Variants in NTF3 observed in about 807,000 individuals in gnomAD.
The protein encoded by NTF3 is neurotrophin 3, also known as neurotrophin-3.
A neutral mutation model predicts 26.3 loss-of-function variants in NTF3; 8 were observed. The observed-to-expected ratio is 0.30, with a 90% confidence interval of 0.18 to 0.55. NTF3 has a LOEUF of 0.55. NTF3 is among the 20% of genes least tolerant of loss of function. The probability of loss-of-function intolerance (pLI) is 0.93; values close to 1 mark genes in which losing one functional copy is unlikely to be tolerated. For synonymous variants in NTF3, 154 were observed against 145.5 expected (o/e 1.06, Z -0.42); for missense variants, 276 against 352.9 (o/e 0.78, Z 1.75).
chr12:5,483,953 G>A (rs1342040934), intron 1 of NTF3, among the ~76,000 whole-genome samples: 1 of 152,228 alleles, frequency 6.6e-6, no homozygotes, highest in Non-Finnish European at 1.5e-5. Flanking sequence ...AAGGGAAAGA[G>A]TCTGCCTCCA....
intron 1 of NTF3, among the ~76,000 whole-genome samples, chr12:5,439,998 G>T (rs1035400076): frequency 6.6e-6 from 1 of 152,156 alleles, no homozygotes; most frequent in African/African-American, 2.4e-5. Context: ...TCCAGCTGAG[G>T]ATTTGCCACT....
upstream of NTF3, among the ~76,000 whole-genome samples, chr12:5,431,961 CG>C (rs376881723): frequency 0.15 from 18,384 of 126,030 alleles, 1,233 homozygotes; most frequent in Non-Finnish European, 0.16. Flanking sequence ...GAAGTGAGGG[CG>C]GGGGGGGGGC....
intron 1 of NTF3, among the ~76,000 whole-genome samples, chr12:5,459,572 T>C (rs1164323090): frequency 6.6e-6 from 1 of 152,252 alleles, no homozygotes; most frequent in Non-Finnish European, 1.5e-5. Context: ...AACGTGCATA[T>C]TGCGTCATTG....
intron 1 of NTF3, among the ~76,000 whole-genome samples, chr12:5,491,942 C>T (rs1312852296): frequency 6.6e-6 from 1 of 151,960 alleles, no homozygotes; most frequent in African/African-American, 2.4e-5. Context: ...TCTCGATCTC[C>T]TGACCTCGTG....
At chr12:5,459,362 G>T (rs1443010264) in intron 1 of NTF3, among the ~76,000 whole-genome samples, 2 of 152,150 alleles carry the variant, frequency 1.3e-5, no homozygotes, top group Non-Finnish European at 2.9e-5. Flanking sequence ...TCAAGGCTCA[G>T]TGTCTGTCCC....
intron 1 of NTF3, among the ~76,000 whole-genome samples, chr12:5,446,123 C>T (rs1175873176): frequency 6.6e-6 from 1 of 152,136 alleles, no homozygotes. Flanking sequence ...GATATTATAC[C>T]AGGCAGATAT....
At chr12:5,438,152 C>G (rs1443194925) in intron 1 of NTF3, among the ~76,000 whole-genome samples, 2 of 149,102 alleles carry the variant, frequency 1.3e-5, no homozygotes, top group Admixed American at 6.7e-5. Context: ...AAGATTGAGG[C>G]TGGACAAAAA....
chr12:5,432,489 G>C, intron 1 of NTF3, 147 bp downstream of exon 1: 2 of 944,436 alleles, frequency 2.1e-6, no homozygotes, highest in Non-Finnish European at 3.2e-6. Context: ...ACTTTCCCGG[G>C]CTTGTGTCTT....
At chr12:5,454,431 C>A (rs1282749833) in intron 1 of NTF3, among the ~76,000 whole-genome samples, 1 of 152,096 alleles carries the variant, frequency 6.6e-6, no homozygotes, top group East Asian at 1.9e-4. Context: ...GTCATGTGCT[C>A]AAGTACTAAG....
At chr12:5,434,444 T>A (rs1163273187) in intron 1 of NTF3, among the ~76,000 whole-genome samples, 2 of 150,340 alleles carry the variant, frequency 1.3e-5, no homozygotes, top group Non-Finnish European at 3.0e-5. Flanking sequence ...GAGTGAGTGG[T>A]CAGGGAGGGA....
At chr12:5,475,952 AAAGAC>A (rs1364833380) in intron 1 of NTF3, among the ~76,000 whole-genome samples, 2 of 152,108 alleles carry the variant, frequency 1.3e-5, no homozygotes, top group East Asian at 1.9e-4. Context: ...AAAGAGAAGA[AAAGAC>A]AAGACAAGAA....
chr12:5,485,704 C>A (rs1940858672), intron 1 of NTF3, among the ~76,000 whole-genome samples: 1 of 152,190 alleles, frequency 6.6e-6, no homozygotes, highest in Non-Finnish European at 1.5e-5. Flanking sequence ...GTTGGTTTTT[C>A]AGTCTTGCCC....
intron 1 of NTF3, among the ~76,000 whole-genome samples, chr12:5,478,476 T>A (rs1196705198): frequency 1.3e-5 from 2 of 152,138 alleles, no homozygotes; most frequent in South Asian, 2.1e-4. Flanking sequence ...TCGGCAGGGA[T>A]CCCCGCCCCA....
chr12:5,493,632 C>T (rs530786556), intron 1 of NTF3, among the ~76,000 whole-genome samples: 2 of 152,210 alleles, frequency 1.3e-5, no homozygotes, highest in African/African-American at 4.8e-5. Context: ...GAGAATAGAC[C>T]GTTCCAGCTG....
At chr12:5,491,716 CTTTTT>C (rs5796156) in intron 1 of NTF3, among the ~76,000 whole-genome samples, 1 of 98,248 alleles carries the variant, frequency 1.0e-5, no homozygotes, top group Non-Finnish European at 2.0e-5. Flanking sequence ...CTCTCCTCTT[CTTTTT>C]TTTTTTTTTT....
intron 1 of NTF3, among the ~76,000 whole-genome samples, chr12:5,476,876 C>A (rs1341804736): frequency 3.3e-5 from 5 of 152,072 alleles, no homozygotes; most frequent in Non-Finnish European, 7.4e-5. Context: ...TAAACCATCC[C>A]GCCTATAATG....
At chr12:5,449,196 T>C (rs545140239) in intron 1 of NTF3, among the ~76,000 whole-genome samples, 6 of 152,016 alleles carry the variant, frequency 3.9e-5, no homozygotes, top group African/African-American at 1.2e-4. Flanking sequence ...AGCACAGGGG[T>C]GGAAACAAGT....
rs1376079506 is a variant in NTF3 at position 5,433,767 on chromosome 12, G to C, written c.18+1425G>C. Among the ~76,000 whole-genome samples, 1 of 151,908 alleles carries C rather than the reference G, an allele frequency of 6.6e-6. No individual in the cohort carries two copies. The highest frequency in any genetic ancestry group is 2.4e-5 in the African/African-American group (1 of 41,354). Reference sequence around the variant, plus strand: ...GAGTCCGAATGGAGGTTGCTCCCGGGAGCGCCGGGCTCAGAGCTAGAGAGC... The same window carrying C: ...GAGTCCGAATGGAGGTTGCTCCCGGCAGCGCCGGGCTCAGAGCTAGAGAGC... On this transcript the variant is annotated intron_variant, in intron 1 of 1. Coordinates refer to ENST00000423158, the MANE Select transcript of NTF3 (RefSeq NM_001102654.2). This position sits in a 1 kb window ranked among gnomAD's most constrained non-coding sequence, Gnocchi z 4.6.
chr12:5,490,006 G>A (rs181391286), intron 1 of NTF3, among the ~76,000 whole-genome samples: 13 of 152,278 alleles, frequency 8.5e-5, no homozygotes, highest in Admixed American at 2.6e-4. Context: ...GAGGAAAATC[G>A]CACATGCACG....
Sources: allele counts gnomAD v4.1 joint callset (sites outside exome capture counted in the v4.1 genomes callset), GRCh38; gene constraint gnomAD v4.1.1; non-coding constraint Gnocchi (gnomAD v3.1); transcripts MANE v1.5; gene names NCBI Gene and HGNC (gene_info 2026-07-23, HGNC 2026-07-21).